The following C14orf93 variants were observed in gnomAD, a reference collection of about 807,000 sequenced individuals.
The protein encoded by C14orf93 is uncharacterized protein C14orf93.
A neutral mutation model predicts 44.0 loss-of-function variants in C14orf93; 23 were observed. The ratio of observed to expected loss-of-function variants is 0.52; its 90% CI spans 0.38 to 0.74. C14orf93 has a LOEUF of 0.74. Among genes scored for constraint, C14orf93 ranks in the 30% least tolerant of loss-of-function variants. The pLI is 0.00. For missense variants in C14orf93, 579 were observed against 678.9 expected (o/e 0.85, Z 1.64); for synonymous variants, 253 against 265.7 (o/e 0.95, Z 0.46).
chr14:23,009,415 A>G (rs533165690), intron 1 of C14orf93, among the ~76,000 whole-genome samples: 4 of 152,224 alleles, frequency 2.6e-5, no homozygotes, highest in Non-Finnish European at 5.9e-5. Flanking sequence ...GATATGGCAC[A>G]TATACACACA....
chr14:22,991,065 G>A (rs1222891556), intron 3 of C14orf93, among the ~76,000 whole-genome samples: 4 of 151,604 alleles, frequency 2.6e-5, no homozygotes, highest in Non-Finnish European at 5.9e-5. Flanking sequence ...TGATCTGCCC[G>A]CCTCGGCCTC....
intron 1 of C14orf93, among the ~76,000 whole-genome samples, chr14:23,004,828 G>A (rs1415081280): frequency 6.6e-6 from 1 of 152,144 alleles, no homozygotes; most frequent in Admixed American, 6.5e-5. Context: ...TGAGGCAGGA[G>A]AATCACTTGA....
In C14orf93 at chr14:22,998,762, CATT is replaced by C. The variant is rs774460487; in HGVS notation, c.259_261del (p.Asn87del). On this transcript the variant is annotated inframe_deletion, in exon 2 of 7. Coordinates refer to ENST00000299088, the MANE Select transcript of C14orf93 (RefSeq NM_021944.4). ...TCCTCCTGGAGACGTTTTAACAACTCATTGTTGGCCCTGGCAAGACCCAGAGCA... is the reference window on the plus strand; with the variant it reads ...TCCTCCTGGAGACGTTTTAACAACTCGTTGGCCCTGGCAAGACCCAGAGCA... 2.6e-5 allele frequency: 42 copies of C among 1,614,024 alleles called. No homozygotes were observed. Among genetic ancestry groups the C allele is most frequent in the Non-Finnish European group, 3.5e-5 (41 of 1,180,062 alleles).
rs1033769889 is a variant in C14orf93, at chr14:22,986,984, G to C, written c.*231C>G. 5.3e-6 allele frequency: 3 copies of C among 570,996 alleles called. No homozygotes were observed. In the African/African-American group the frequency reaches 5.6e-5, roughly 11 times the overall value. The allele number at this position is 570,996 out of a possible 1,614,324, so 35.4% of individuals were successfully genotyped here. On this transcript the variant is annotated 3_prime_UTR_variant, in exon 7 of 7. Coordinates refer to ENST00000299088, the MANE Select transcript of C14orf93 (RefSeq NM_021944.4). ...TTCTCCGAGATACTGTTTATGCTGA[G>C]GAATAAGCATATTCTGGCTTACTGT...
chr14:22,992,407 A>T (rs1309200607), intron 3 of C14orf93, among the ~76,000 whole-genome samples: 1 of 149,276 alleles, frequency 6.7e-6, no homozygotes, highest in Non-Finnish European at 1.5e-5. Context: ...CGGAGGTTGC[A>T]GTGAGCTGAG....
rs189782587 is a variant in C14orf93, at chr14:22,987,669, T to C, written c.1198-35A>G. On this transcript the variant is annotated intron_variant, in intron 6 of 6. Coordinates refer to ENST00000299088, the MANE Select transcript of C14orf93 (RefSeq NM_021944.4). The surrounding 1 kb of genome is among the most constrained non-coding windows in gnomAD (Gnocchi z 5.6). ...GAACCCAGGAGATAGATTAGGAAGG[T>C]AAACATTCTATGGATTAGATTTGGG... 3 of 1,535,730 alleles carry C rather than the reference T, an allele frequency of 2.0e-6. No homozygotes were observed. Among genetic ancestry groups the C allele is most frequent in the African/African-American group, 1.4e-5 (1 of 72,580 alleles).
chr14:22,987,135 T>G lies in C14orf93; in HGVS notation c.*80A>C, dbSNP rs2045266007. 5.0e-6 allele frequency: 7 copies of G among 1,408,882 alleles called. No homozygotes were observed. The South Asian group carries it at 7.1e-5, about 14-fold the overall frequency. The allele number at this position is 1,408,882 out of a possible 1,614,324, so 87.3% of individuals were successfully genotyped here. ...TTCTCAGACTGCACAGAGCATCTCA[T>G]TATTTTGTGAAGCCCCATGGCCACC... On this transcript the variant is annotated 3_prime_UTR_variant, in exon 7 of 7. Transcript: ENST00000299088. The surrounding 1 kb of genome is among the most constrained non-coding windows in gnomAD (Gnocchi z 5.6).
intron 3 of C14orf93, 62 bp downstream of exon 3, chr14:22,995,886 C>T: frequency 6.8e-7 from 1 of 1,464,504 alleles, no homozygotes; most frequent in Non-Finnish European, 9.1e-7. Flanking sequence ...ATCAACCCAC[C>T]CATCACTCTT....
intron 5 of C14orf93, 59 bp from the exon 6 acceptor site, chr14:22,988,074 C>T: frequency 8.2e-7 from 1 of 1,216,828 alleles, no homozygotes; most frequent in Non-Finnish European, 1.2e-6. Context: ...TGGTCCCCAG[C>T]CCGTTTTTCT....
In C14orf93 at chr14:22,986,783, G is replaced by A. The variant is rs936131755; in HGVS notation, c.*432C>T. The A allele has an allele frequency of 2.6e-5, 5 of 190,012 alleles. No homozygotes were observed. The highest frequency in any genetic ancestry group is 1.3e-4 in the East Asian group (1 of 7,784). 11.8% of individuals were successfully genotyped at this position (190,012 alleles called of 1,614,324 possible). A position where few individuals can be genotyped will look rare whatever the true frequency, so the allele number is the denominator to read the frequency against. On this transcript the variant is annotated 3_prime_UTR_variant, in exon 7 of 7. Transcript: ENST00000299088. The stretch of plus-strand genomic sequence containing the variant: ...GTATTAACCTGCACTGGTCATGTTC[G>A]GTTTCCACTGCAGAGCAAGACAAGT...
At chr14:22,997,127 C>T (rs894119882) in intron 2 of C14orf93, among the ~76,000 whole-genome samples, 1 of 152,168 alleles carries the variant, frequency 6.6e-6, no homozygotes, top group Non-Finnish European at 1.5e-5. Flanking sequence ...GAACCCACAG[C>T]TCAGGGCAAT....
At position 22,986,850 on chromosome 14, in the gene C14orf93, A is replaced by C; in HGVS notation, c.*365T>G. The C allele has an allele frequency of 3.9e-6, 1 of 257,328 alleles. No homozygotes were observed. The highest frequency in any genetic ancestry group is 7.5e-6 in the Non-Finnish European group (1 of 133,194). The allele number at this position is 257,328 out of a possible 1,614,324, so 15.9% of individuals were successfully genotyped here. A position where few individuals can be genotyped will look rare whatever the true frequency, so the allele number is the denominator to read the frequency against. ...AAGGTACAACCTGGGCTGCTTCCTC[A>C]GAGCTTTGGGTGGAACTGGGCAGGG... On this transcript the variant is annotated 3_prime_UTR_variant, in exon 7 of 7. Coordinates refer to ENST00000299088, the MANE Select transcript of C14orf93 (RefSeq NM_021944.4).
At chr14:22,995,013 A>C (rs1053040179) in intron 3 of C14orf93, among the ~76,000 whole-genome samples, 2 of 152,150 alleles carry the variant, frequency 1.3e-5, no homozygotes, top group Admixed American at 6.5e-5. Flanking sequence ...CCAGGTTGAG[A>C]ACTACTGCCC....
At chr14:23,007,140 C>CGT in intron 1 of C14orf93, 1 of 152,328 alleles carries the variant, frequency 6.6e-6, no homozygotes, top group East Asian at 1.9e-4. Flanking sequence ...GGCGCCTGCC[C>CGT]GTGTACCCGG....
rs199624358 is a variant in C14orf93, at chr14:22,996,016, C to T, written c.850G>A (p.Val284Ile). 72 of 1,613,226 alleles carry T rather than the reference C, an allele frequency of 4.5e-5. No individual in the cohort carries two copies. The highest frequency in any genetic ancestry group is 1.1e-4 in the South Asian group (10 of 91,028). ...GELRHSLGLTVSPCRTRGSGQ... is the reference protein window; with the variant it reads ...GELRHSLGLTISPCRTRGSGQ... ...CTTCCTCTGGTCCTGCATGGGGAAA[C>T]GGTCAGCCCTAGAGAGTGTCTCAGC... Residue 284 changes from valine (V) to isoleucine (I), a missense_variant, in exon 3 of 7, where the codon GTT becomes ATT. Coordinates refer to ENST00000299088, the MANE Select transcript of C14orf93 (RefSeq NM_021944.4). The surrounding 1 kb of genome is among the most constrained non-coding windows in gnomAD (Gnocchi z 4.1).
chr14:22,997,010 CAGAA>C (rs1201928727), intron 2 of C14orf93, among the ~76,000 whole-genome samples: 4 of 151,690 alleles, frequency 2.6e-5, no homozygotes, highest in Non-Finnish European at 5.9e-5. Flanking sequence ...CACACACACA[CAGAA>C]AGATGCGGGG....
chr14:22,989,950 T>G, intron 4 of C14orf93, 105 bp from the exon 5 acceptor site: 1 of 1,412,678 alleles, frequency 7.1e-7, no homozygotes, highest in Non-Finnish European at 1.0e-6. Context: ...CTCCACAGCC[T>G]AAGAAGGTAT....
Position 22,999,102 on chromosome 14 carries a change from A to C in C14orf93, c.-79T>G. 1 of 1,513,510 alleles carries C rather than the reference A, an allele frequency of 6.6e-7. No homozygotes were observed. The highest frequency in any genetic ancestry group is 1.4e-5 in the African/African-American group (1 of 72,494). 93.8% of individuals were successfully genotyped at this position (1,513,510 alleles called of 1,614,324 possible). A position where few individuals can be genotyped will look rare whatever the true frequency, so the allele number is the denominator to read the frequency against. On this transcript the variant is annotated 5_prime_UTR_variant, in exon 2 of 7. An upstream open reading frame in the 5' UTR loses its in-frame stop. Coordinates refer to ENST00000299088, the MANE Select transcript of C14orf93 (RefSeq NM_021944.4). ...AGGAAGCATCAACTTCTCTGGACTC[A>C]CTTTCCTTTCTCAATGAGGATGGTC...
chr14:22,998,992 G>A lies in C14orf93; in HGVS notation c.32C>T (p.Pro11Leu). Residue 11 changes from proline (P) to leucine (L), a missense_variant, in exon 2 of 7, where the codon CCT (proline) becomes CTT (leucine). Transcript: ENST00000299088. MSFSATILFS[P>L]PSGSEARCCC... ...GCATCTGGCCTCGCTGCCACTGGGA[G>A]GGGAGAAGAGAATGGTGGCACTGAA... 1.9e-6 allele frequency: 3 copies of A among 1,612,608 alleles called. No homozygotes were observed. Among genetic ancestry groups the A allele is most frequent in the Non-Finnish European group, 2.5e-6 (3 of 1,179,852 alleles).
Sources: allele counts gnomAD v4.1 joint callset (sites outside exome capture counted in the v4.1 genomes callset), GRCh38; gene constraint gnomAD v4.1.1; non-coding constraint Gnocchi (gnomAD v3.1); transcripts MANE v1.5; gene names NCBI Gene and HGNC (gene_info 2026-07-23, HGNC 2026-07-21).